Variants in SPMIP7 observed in about 807,000 individuals in gnomAD.
SPMIP7 encodes protein SPMIP7.
chr7:50,104,408 T>C, the SPMIP7 span: 1 of 1,479,258 alleles, frequency 6.8e-7, no homozygotes, highest in Admixed American at 2.0e-5. Flanking sequence ...AGGCAACATG[T>C]ACAGTAAGAT....
the SPMIP7 span, among the ~76,000 whole-genome samples, chr7:50,103,052 T>TTTTA: frequency 0.04 from 5,700 of 143,796 alleles, 351 homozygotes; most frequent in African/African-American, 0.13. Context: ...ATCATATATT[T>TTTTA]TATATATATA....
chr7:50,133,756 C>T, the SPMIP7 span, among the ~76,000 whole-genome samples: 8 of 152,128 alleles, frequency 5.3e-5, no homozygotes, highest in African/African-American at 1.9e-4. Flanking sequence ...CAAGGGCAGA[C>T]AAAGAGCATG....
the SPMIP7 span, among the ~76,000 whole-genome samples, chr7:50,146,115 T>C: frequency 6.6e-6 from 1 of 152,180 alleles, no homozygotes; most frequent in African/African-American, 2.4e-5. Flanking sequence ...CTATGAATAG[T>C]AGTTCCTTAG....
chr7:50,115,961 C>G, the SPMIP7 span, among the ~76,000 whole-genome samples: 1 of 152,154 alleles, frequency 6.6e-6, no homozygotes, highest in East Asian at 1.9e-4. Flanking sequence ...CTCCTCCTTT[C>G]ACCTAAGCAC....
At chr7:50,140,521 T>G in the SPMIP7 span, among the ~76,000 whole-genome samples, 1 of 152,244 alleles carries the variant, frequency 6.6e-6, no homozygotes, top group Non-Finnish European at 1.5e-5. Flanking sequence ...AAAACTGTTA[T>G]AATTGCAGAA....
At chr7:50,131,416 G>A in the SPMIP7 span, among the ~76,000 whole-genome samples, 2 of 152,324 alleles carry the variant, frequency 1.3e-5, no homozygotes, top group Admixed American at 6.5e-5. Context: ...AAGTGGATAT[G>A]TCAAGCAGGC....
chr7:50,155,344 A>G, the SPMIP7 span, among the ~76,000 whole-genome samples: 1 of 152,228 alleles, frequency 6.6e-6, no homozygotes, highest in Non-Finnish European at 1.5e-5. Flanking sequence ...GACAAGTAAT[A>G]TATATTTACT....
At chr7:50,101,902 C>G in the SPMIP7 span, among the ~76,000 whole-genome samples, 2 of 152,332 alleles carry the variant, frequency 1.3e-5, no homozygotes, top group East Asian at 3.9e-4. Flanking sequence ...TTAGTTTTCT[C>G]TTGCTGCTTT....
the SPMIP7 span, among the ~76,000 whole-genome samples, chr7:50,136,387 TA>T: frequency 6.6e-6 from 1 of 152,138 alleles, no homozygotes; most frequent in Admixed American, 6.5e-5. Flanking sequence ...ACCCTAACCC[TA>T]ACATGGTGAA....
At chr7:50,138,710 CTT>C in the SPMIP7 span, among the ~76,000 whole-genome samples, 2 of 151,336 alleles carry the variant, frequency 1.3e-5, no homozygotes, top group Admixed American at 6.6e-5. Context: ...TTTTTAAAAT[CTT>C]TAACAATTGC....
chr7:50,141,751 A>G, the SPMIP7 span: 1 of 13,580 alleles, frequency 7.4e-5, no homozygotes, highest in Non-Finnish European at 1.5e-4. Context: ...TTTTTTTGAG[A>G]CGGAGTCTCG....
the SPMIP7 span, among the ~76,000 whole-genome samples, chr7:50,130,178 T>G: frequency 2.0e-5 from 3 of 152,158 alleles, no homozygotes; most frequent in Non-Finnish European, 4.4e-5. Flanking sequence ...CAAAGATCTC[T>G]GCTCTCAAAT....
chr7:50,126,655 T>C, the SPMIP7 span, among the ~76,000 whole-genome samples: 1 of 151,806 alleles, frequency 6.6e-6, no homozygotes, highest in Non-Finnish European at 1.5e-5. Flanking sequence ...TAAAAAACAA[T>C]AATTTATAGA....
chr7:50,117,207 C>T, the SPMIP7 span: 10 of 453,926 alleles, frequency 2.2e-5, no homozygotes, highest in Middle Eastern at 4.2e-4. Flanking sequence ...AAACCTTTCA[C>T]GCTGTTCATT....
chr7:50,123,410 A>C, the SPMIP7 span, among the ~76,000 whole-genome samples: 5 of 114,820 alleles, frequency 4.4e-5, no homozygotes, highest in Admixed American at 1.1e-4. Flanking sequence ...CACTCTGGGG[A>C]CTGTTGTGGG....
chr7:50,156,752 T>C, the SPMIP7 span, among the ~76,000 whole-genome samples: 120 of 152,164 alleles, frequency 7.9e-4, no homozygotes, highest in Middle Eastern at 3.4e-3. Flanking sequence ...TGTGGTCCCA[T>C]CAGTCCTGCT....
At chr7:50,152,473 G>A in the SPMIP7 span, among the ~76,000 whole-genome samples, 2 of 152,252 alleles carry the variant, frequency 1.3e-5, no homozygotes, top group African/African-American at 4.8e-5. Context: ...AGCACCTGAT[G>A]GAATTCCTGG....
At chr7:50,157,677 C>T in the SPMIP7 span, among the ~76,000 whole-genome samples, 6 of 152,114 alleles carry the variant, frequency 3.9e-5, no homozygotes, top group Admixed American at 6.5e-5. Context: ...CATTGTAACT[C>T]GCTGCTAATA....
At chr7:50,143,508 T>C in the SPMIP7 span, among the ~76,000 whole-genome samples, 4 of 152,148 alleles carry the variant, frequency 2.6e-5, no homozygotes, top group Non-Finnish European at 5.9e-5. Context: ...ATTTACTCTC[T>C]AGTTCAAGTG....
Sources: allele counts gnomAD v4.1 joint callset (sites outside exome capture counted in the v4.1 genomes callset), GRCh38; gene constraint gnomAD v4.1.1; transcripts MANE v1.5; gene names NCBI Gene and HGNC (gene_info 2026-07-23, HGNC 2026-07-21).